ANO9: variants seen among roughly 807,000 people sequenced by gnomAD.
ANO9 encodes anoctamin-9.
Under a neutral mutation model 100.5 loss-of-function variants are expected in ANO9, and 80 were observed. That is an observed-to-expected ratio of 0.80 (90% CI 0.66 to 0.96). The LOEUF is 0.96. ANO9 is among the 40% of genes least tolerant of loss of function. ANO9 has a pLI of 0.00. For synonymous variants in ANO9, 473 were observed against 435.6 expected (o/e 1.09, Z -1.07); for missense variants, 1,064 against 1,072.7 (o/e 0.99, Z 0.11).
chr11:427,857 C>G (rs1388386583), intron 15 of ANO9, among the ~76,000 whole-genome samples: 1 of 150,614 alleles, frequency 6.6e-6, no homozygotes, highest in Non-Finnish European at 1.5e-5. Flanking sequence ...TATGCGCCTG[C>G]AAATGCATGA....
Position 418,901 on chromosome 11 carries a change from C to G in ANO9, c.2023G>C (p.Val675Leu). Residue 675 changes from valine to leucine, a missense_variant, in exon 21 of 23, where the codon GTG becomes CTG. By Grantham distance (32) the Val-to-Leu change is conservative. Coordinates refer to ENST00000332826, the MANE Select transcript of ANO9 (RefSeq NM_001012302.3). The stretch of plus-strand genomic sequence containing the variant: ...GGAGTTCCAAACCTGCACAGAGTCA[C>G]GTTTTCTGAGCCCTCAATCCCATCA... ...DPDGIEGSEN[V>L]TLCRYRDYRN... 1.2e-6 allele frequency: 2 copies of G among 1,613,464 alleles called. No individual in the cohort carries two copies. The highest frequency in any genetic ancestry group is 1.7e-6 in the Non-Finnish European group (2 of 1,179,932).
rs772561153 is a variant in ANO9, at chr11:428,349, T to A, written c.1222+9A>T. On this transcript the variant is annotated intron_variant, in intron 14 of 22. Coordinates refer to ENST00000332826, the MANE Select transcript of ANO9 (RefSeq NM_001012302.3). ...GGTCCCCCAAGAGGGTCTGGGGTAG[T>A]CCTCTCACCGAAGTCACAAAGCTTC... is the stretch of plus-strand genomic sequence containing the variant. 1 of 1,612,444 alleles carries A rather than the reference T, an allele frequency of 6.2e-7. No homozygotes were observed.
Position 428,514 on chromosome 11 carries a change from C to T in ANO9, c.1146G>A (p.Gly382=). The change falls in exon 13 of 23, where the codon GGG becomes GGA. Residue 382 remains glycine (G), a synonymous_variant. Coordinates refer to ENST00000332826, the MANE Select transcript of ANO9 (RefSeq NM_001012302.3). The part of the protein sequence containing the change: ...EQVTTAVVVT[G]ALVHYVTIII... ...TGATGGTCACATAGTGCACCAGAGC[C>T]CCGGTCACCACCACGGCCGTGGTCA... The T allele has an allele frequency of 6.2e-7, 1 of 1,612,674 alleles. No individual in the cohort carries two copies. The highest frequency in any genetic ancestry group is 8.5e-7 in the Non-Finnish European group (1 of 1,179,902).
At chr11:419,456 C>T in intron 20 of ANO9, 126 bp downstream of exon 20, 1 of 1,454,788 alleles carries the variant, frequency 6.9e-7, no homozygotes, top group East Asian at 2.5e-5. Context: ...AGGCCCCAGC[C>T]TCACTAAAGC....
At chr11:439,906 C>T (rs958828413) in intron 1 of ANO9, among the ~76,000 whole-genome samples, 3 of 152,206 alleles carry the variant, frequency 2.0e-5, no homozygotes, top group Admixed American at 1.3e-4. Flanking sequence ...CAGACACTGA[C>T]GGAGCGACCT....
intron 15 of ANO9, among the ~76,000 whole-genome samples, chr11:423,885 T>TCACACACACACACACA (rs57182615): frequency 3.7e-4 from 53 of 143,398 alleles, no homozygotes; most frequent in African/African-American, 8.4e-4. Context: ...AGTTGAATAC[T>TCACACACACACACACA]CACACACACA....
In ANO9 at chr11:433,311, CA is replaced by C; in HGVS notation, c.350+2del. 1 of 1,611,884 alleles carries C rather than the reference CA, an allele frequency of 6.2e-7. No homozygotes were observed. The highest frequency in any genetic ancestry group is 2.2e-5 in the East Asian group (1 of 44,856). Reference sequence around the variant, plus strand: ...GGCCACGGCTCTGGGTGCAGCCTCTCACCTCGTGGTGACCGGGATGGTGGTC... The same window carrying C: ...GGCCACGGCTCTGGGTGCAGCCTCTCCCTCGTGGTGACCGGGATGGTGGTC... On this transcript the variant is annotated splice_donor_variant, in intron 4 of 22. Coordinates refer to ENST00000332826, the MANE Select transcript of ANO9 (RefSeq NM_001012302.3). LOFTEE classifies it high-confidence loss of function.
At chr11:419,040 CCTT>C in intron 20 of ANO9, 51 bp from the exon 21 acceptor site, 1 of 1,610,044 alleles carries the variant, frequency 6.2e-7, no homozygotes, top group Non-Finnish European at 8.5e-7. Flanking sequence ...CAGGGCGGCC[CCTT>C]CAGGCCCCAG....
chr11:421,341 C>A lies in ANO9; in HGVS notation c.1335-143G>T. 1 of 776,142 alleles carries A rather than the reference C, an allele frequency of 1.3e-6. No individual in the cohort carries two copies. The highest frequency in any genetic ancestry group is 2.2e-5 in the South Asian group (1 of 46,372). The allele number at this position is 776,142 out of a possible 1,614,324, so 48.1% of individuals were successfully genotyped here. On this transcript the variant is annotated intron_variant, in intron 15 of 22. Coordinates refer to ENST00000332826, the MANE Select transcript of ANO9 (RefSeq NM_001012302.3). The surrounding 1 kb of genome is among the most constrained non-coding windows in gnomAD (Gnocchi z 6.8). The stretch of plus-strand genomic sequence containing the variant: ...GTGAGCGGGGCACAGGTGCTCACAC[C>A]CAGATGAACCGCACCCGCACGTGGG...
At chr11:429,064 C>T (rs1414580854) in intron 11 of ANO9, among the ~76,000 whole-genome samples, 1 of 135,042 alleles carries the variant, frequency 7.4e-6, no homozygotes, top group Admixed American at 7.3e-5. Flanking sequence ...GGACACGCCT[C>T]ACGGGTGGAC....
At chr11:438,948 T>C (rs139339019) in intron 1 of ANO9, among the ~76,000 whole-genome samples, 1 of 152,282 alleles carries the variant, frequency 6.6e-6, no homozygotes, top group African/African-American at 2.4e-5. Context: ...TGAGGGCCTC[T>C]GAAGCTTCAG....
chr11:421,058 G>A lies in ANO9; in HGVS notation c.1393-16C>T. On this transcript the variant is annotated splice_polypyrimidine_tract_variant and intron_variant, in intron 16 of 22. Coordinates refer to ENST00000332826, the MANE Select transcript of ANO9 (RefSeq NM_001012302.3). The surrounding 1 kb of genome is among the most constrained non-coding windows in gnomAD (Gnocchi z 6.8). ...TGGCGTGGCACTGCGGGGCCAGACA[G>A]GAGGAGATCAGGGAGGGGTCCTGGG... 3.1e-6 allele frequency: 5 copies of A among 1,597,196 alleles called. No individual in the cohort carries two copies. The highest frequency in any genetic ancestry group is 2.6e-6 in the Non-Finnish European group (3 of 1,167,836).
At chr11:419,239 C>G in intron 20 of ANO9, 2 of 1,423,620 alleles carry the variant, frequency 1.4e-6, no homozygotes, top group African/African-American at 2.9e-5. Flanking sequence ...ACCCAGTCTG[C>G]AGTTTGGTGG....
Position 433,893 on chromosome 11 carries a change from A to G in ANO9, c.126T>C (p.Arg42=). 1 of 1,563,458 alleles carries G rather than the reference A, an allele frequency of 6.4e-7. No individual in the cohort carries two copies. Among genetic ancestry groups the G allele is most frequent in the Non-Finnish European group, 8.7e-7 (1 of 1,153,904 alleles). The change falls in exon 3 of 23, where the codon CGT becomes CGC. Residue 42 remains arginine (R), a synonymous_variant. Coordinates refer to ENST00000332826, the MANE Select transcript of ANO9 (RefSeq NM_001012302.3). ...CCTGCCGGGGGTCTCTCTGGGTGTGACGTTGGGCCACGAGGACATAGTCCC... is the reference window on the plus strand; with the variant it reads ...CCTGCCGGGGGTCTCTCTGGGTGTGGCGTTGGGCCACGAGGACATAGTCCC... ...EQWDYVLVAQ[R]HTQRDPRQAR...
At chr11:435,641 CTAGTCTAGTCTAGTA>C (rs1268357633) in intron 1 of ANO9, among the ~76,000 whole-genome samples, 1 of 148,110 alleles carries the variant, frequency 6.8e-6, no homozygotes, top group Non-Finnish European at 1.5e-5. Flanking sequence ...ATGGTCTAGT[CTAGTCTAGTCTAGTA>C]TGGTCTAGTC....
At position 428,397 on chromosome 11, in the gene ANO9, G is replaced by A. The variant is rs755100043; in HGVS notation, c.1186-3C>T. ...TTCAGGGCCACGCACCTGTTGATCT[G>A]CGGAGGAGGGCACCGAATGGGCTCA... is the stretch of plus-strand genomic sequence containing the variant. On this transcript the variant is annotated splice_polypyrimidine_tract_variant and splice_region_variant and intron_variant, in intron 13 of 22. Transcript: ENST00000332826. 1.9e-6 allele frequency: 3 copies of A among 1,612,700 alleles called. No homozygotes were observed. Among genetic ancestry groups the A allele is most frequent in the Non-Finnish European group, 2.5e-6 (3 of 1,179,946 alleles).
Position 420,484 on chromosome 11 carries a change from G to T in ANO9, c.1765C>A (p.Pro589Thr). Residue 589 changes from proline (P) to threonine (T), a missense_variant, in exon 19 of 23, where the codon CCG (proline) becomes ACG (threonine). Coordinates refer to ENST00000332826, the MANE Select transcript of ANO9 (RefSeq NM_001012302.3). ...TGACCGATGTCCTTGGCCTTGCGCG[G>T]CACCAGGCGCCGCTGCAACCAGACC... is the stretch of plus-strand genomic sequence containing the variant. ...KMVWLQRRLV[P>T]RKAKDIGTWL... is the part of the protein sequence containing the mutation. 4 of 1,603,254 alleles carry T rather than the reference G, an allele frequency of 2.5e-6. No individual in the cohort carries two copies. The highest frequency in any genetic ancestry group is 1.3e-5 in the African/African-American group (1 of 75,032).
Position 430,380 on chromosome 11 carries a change from G to A in ANO9, c.563C>T (p.Ala188Val). The A allele has an allele frequency of 3.2e-6, 5 of 1,567,924 alleles. No homozygotes were observed. Among genetic ancestry groups the A allele is most frequent in the Non-Finnish European group, 3.5e-6 (4 of 1,153,568 alleles). ...EIRNYFGEKV[A>V]LYFVWLGWYT... Reference sequence around the variant, plus strand: ...CCAGCCCAGCCAGACGAAGTACAGGGCCACCTTTTCCCCAAAGTAGTTCCT... The same window carrying A: ...CCAGCCCAGCCAGACGAAGTACAGGACCACCTTTTCCCCAAAGTAGTTCCT... The change falls in exon 8 of 23, where the codon GCC (alanine) becomes GTC (valine). Residue 188 changes from alanine (A) to valine (V), a missense_variant. Physicochemically the swap from Ala to Val is moderately conservative, Grantham distance 64. Coordinates refer to ENST00000332826, the MANE Select transcript of ANO9 (RefSeq NM_001012302.3).
chr11:427,809 A>G (rs1268718178), intron 15 of ANO9, among the ~76,000 whole-genome samples: 2 of 151,388 alleles, frequency 1.3e-5, no homozygotes, highest in Non-Finnish European at 2.9e-5. Flanking sequence ...GAGCAGGTGC[A>G]GTTATTCCCA....
Sources: allele counts gnomAD v4.1 joint callset (sites outside exome capture counted in the v4.1 genomes callset), GRCh38; gene constraint gnomAD v4.1.1; non-coding constraint Gnocchi (gnomAD v3.1); transcripts MANE v1.5; gene names NCBI Gene and HGNC (gene_info 2026-07-23, HGNC 2026-07-21).